The following KCNH7 variants were observed in gnomAD, a reference collection of about 807,000 sequenced individuals.
KCNH7 encodes voltage-gated inwardly rectifying potassium channel KCNH7.
In KCNH7, 49 loss-of-function variants were observed where a neutral mutation model predicts 120.8. That is an observed-to-expected ratio of 0.41 (90% confidence interval 0.32 to 0.51). The LOEUF (loss-of-function observed/expected upper bound fraction) is 0.51. KCNH7 is among the 20% of genes least tolerant of loss of function. The probability of loss-of-function intolerance (pLI) is 0.38; values close to 1 mark genes in which losing one functional copy is unlikely to be tolerated. For missense variants in KCNH7, 1,097 were observed against 1,446.6 expected (o/e 0.76, Z 3.92); for synonymous variants, 547 against 516.1 (o/e 1.06, Z -0.81).
intron 2 of KCNH7, among the ~76,000 whole-genome samples, chr2:162,821,405 T>C (rs1255132186): frequency 6.6e-6 from 1 of 152,258 alleles, no homozygotes; most frequent in Non-Finnish European, 1.5e-5. Flanking sequence ...AGAGGAATTC[T>C]GACTCATTTC....
At chr2:162,658,089 T>C (rs545405282) in intron 2 of KCNH7, among the ~76,000 whole-genome samples, 2 of 151,680 alleles carry the variant, frequency 1.3e-5, no homozygotes, top group Admixed American at 6.6e-5. Flanking sequence ...CCTTCTGCCA[T>C]GGGAGCACAC....
intron 5 of KCNH7, among the ~76,000 whole-genome samples, chr2:162,511,668 C>T (rs572789728): frequency 2.0e-5 from 3 of 151,644 alleles, no homozygotes; most frequent in East Asian, 2.0e-4. Flanking sequence ...TGCTCCCTAG[C>T]GCTATTAATT....
intron 2 of KCNH7, among the ~76,000 whole-genome samples, chr2:162,727,658 C>T (rs1479995622): frequency 1.3e-5 from 2 of 152,290 alleles, no homozygotes; most frequent in East Asian, 3.9e-4. Context: ...CATGTTGTTA[C>T]TGTCTCCTTT....
At chr2:162,728,460 T>C (rs999509394) in intron 2 of KCNH7, among the ~76,000 whole-genome samples, 2 of 152,202 alleles carry the variant, frequency 1.3e-5, no homozygotes, top group African/African-American at 2.4e-5. Flanking sequence ...TTCTTGATAG[T>C]GTCTTTCAGA....
chr2:162,567,461 G>A (rs530061585), intron 2 of KCNH7, among the ~76,000 whole-genome samples: 1 of 152,088 alleles, frequency 6.6e-6, no homozygotes, highest in South Asian at 2.1e-4. Flanking sequence ...TTGCTAGGAA[G>A]TGTGCTTCAT....
intron 2 of KCNH7, among the ~76,000 whole-genome samples, chr2:162,744,868 C>A (rs1225715520): frequency 6.6e-6 from 1 of 152,138 alleles, no homozygotes; most frequent in Non-Finnish European, 1.5e-5. Flanking sequence ...CCACCGCGCC[C>A]GGCCGACAGA....
chr2:162,790,280 TAAAG>T (rs1683882160), intron 2 of KCNH7, among the ~76,000 whole-genome samples: 1 of 150,996 alleles, frequency 6.6e-6, no homozygotes. Flanking sequence ...GACTGAATCA[TAAAG>T]AAAAAGAAAA....
chr2:162,784,860 G>C (rs966995353), intron 2 of KCNH7: 10 of 152,108 alleles, frequency 6.6e-5, no homozygotes, highest in Non-Finnish European at 1.3e-4. Context: ...AATATTTAAT[G>C]GTAAAAGGAA....
At chr2:162,635,020 A>T (rs1020828473) in intron 2 of KCNH7, among the ~76,000 whole-genome samples, 1 of 152,136 alleles carries the variant, frequency 6.6e-6, no homozygotes, top group African/African-American at 2.4e-5. Context: ...TAAAATTAAT[A>T]ATGCAGTTCT....
At chr2:162,701,779 T>G (rs960995968) in intron 2 of KCNH7, among the ~76,000 whole-genome samples, 1 of 152,098 alleles carries the variant, frequency 6.6e-6, no homozygotes, top group African/African-American at 2.4e-5. Context: ...GAGGCCAAGG[T>G]GGGCTGATCA....
chr2:162,751,314 TA>T (rs1262869417), intron 2 of KCNH7, among the ~76,000 whole-genome samples: 2 of 152,186 alleles, frequency 1.3e-5, no homozygotes, highest in African/African-American at 4.8e-5. Flanking sequence ...GAATGTTGTA[TA>T]AAAAGGGTAA....
At chr2:162,462,514 TGAGAGCAAGAGAGAGA>T (rs1383728721) in intron 6 of KCNH7, among the ~76,000 whole-genome samples, 23 of 138,430 alleles carry the variant, frequency 1.7e-4, no homozygotes, top group East Asian at 2.1e-4. Flanking sequence ...ATCAGGAGAG[TGAGAGCAAGAGAGAGA>T]GAGAGCAAGA....
At chr2:162,775,475 T>A (rs1450847927) in intron 2 of KCNH7, among the ~76,000 whole-genome samples, 1 of 152,126 alleles carries the variant, frequency 6.6e-6, no homozygotes, top group Admixed American at 6.6e-5. Context: ...TGAGTGTAAA[T>A]GATGCTTTTA....
chr2:162,544,185 C>A (rs888558150), intron 2 of KCNH7, among the ~76,000 whole-genome samples: 2 of 152,074 alleles, frequency 1.3e-5, no homozygotes, highest in African/African-American at 4.8e-5. Context: ...TGTCCCACTG[C>A]CTTTAAAAAG....
chr2:162,666,491 T>C (rs1411144963), intron 2 of KCNH7, among the ~76,000 whole-genome samples: 1 of 152,112 alleles, frequency 6.6e-6, no homozygotes, highest in East Asian at 1.9e-4. Context: ...ATACTCTTAG[T>C]GAAAACTTGA....
At chr2:162,499,018 A>G (rs956309459) in intron 6 of KCNH7, among the ~76,000 whole-genome samples, 2 of 152,114 alleles carry the variant, frequency 1.3e-5, no homozygotes, top group African/African-American at 2.4e-5. Context: ...ATTGACTGAT[A>G]CAATGGCCAA....
At chr2:162,516,718 G>A (rs1422801436) in intron 4 of KCNH7, among the ~76,000 whole-genome samples, 1 of 151,726 alleles carries the variant, frequency 6.6e-6, no homozygotes, top group Non-Finnish European at 1.5e-5. Context: ...CCTGGGGAAA[G>A]TCAAGAGTTT....
chr2:162,457,883 C>G (rs1689021306), intron 6 of KCNH7, among the ~76,000 whole-genome samples: 1 of 152,080 alleles, frequency 6.6e-6, no homozygotes, highest in African/African-American at 2.4e-5. Context: ...TTGTGAAAAA[C>G]AGCCAAACCT....
At position 162,384,677 on chromosome 2, in the gene KCNH7, C is replaced by T; in HGVS notation, c.2962+11G>A. On this transcript the variant is annotated intron_variant, in intron 13 of 15. Coordinates refer to ENST00000332142, the MANE Select transcript of KCNH7 (RefSeq NM_033272.4). ...TGAAGAGAGACCACCTGATGTCTAA[C>T]TCTGGATTACCTTTGCAAGAGTGAC... is the stretch of plus-strand genomic sequence containing the variant. The T allele has an allele frequency of 1.9e-6, 3 of 1,611,096 alleles. No homozygotes were observed. Among genetic ancestry groups the T allele is most frequent in the South Asian group, 1.1e-5 (1 of 90,818 alleles).
Sources: allele counts gnomAD v4.1 joint callset (sites outside exome capture counted in the v4.1 genomes callset), GRCh38; gene constraint gnomAD v4.1.1; transcripts MANE v1.5; gene names NCBI Gene and HGNC (gene_info 2026-07-23, HGNC 2026-07-21).